Variants in SPOCK1 observed in about 807,000 individuals in gnomAD.
The protein encoded by SPOCK1 is testican-1.
In SPOCK1, 23 loss-of-function variants were observed where a neutral mutation model predicts 55.3. The observed-to-expected ratio is 0.42, with a 90% CI of 0.30 to 0.59. The LOEUF (loss-of-function observed/expected upper bound fraction) is 0.59, where lower values mean the gene tolerates loss of function less well. Ranked by LOEUF, SPOCK1 falls within the 20% of genes least tolerant of loss-of-function variation. The probability of loss-of-function intolerance (pLI) is 0.22; values close to 1 mark genes in which losing one functional copy is unlikely to be tolerated. For synonymous variants in SPOCK1, 226 were observed against 221.0 expected (o/e 1.02, Z -0.20); for missense variants, 499 against 552.5 (o/e 0.90, Z 0.97).
chr5:137,358,008 C>T (rs1451359616), intron 2 of SPOCK1, among the ~76,000 whole-genome samples: 1 of 152,082 alleles, frequency 6.6e-6, no homozygotes, highest in Non-Finnish European at 1.5e-5. Flanking sequence ...CAGAAATTTG[C>T]CTTCTGACAA....
chr5:137,402,455 A>T (rs1226824521), intron 2 of SPOCK1, among the ~76,000 whole-genome samples: 1 of 152,214 alleles, frequency 6.6e-6, no homozygotes, highest in African/African-American at 2.4e-5. Context: ...TGGGAATGAG[A>T]TGTGTTTTGT....
chr5:137,451,143 A>G (rs1457698201), intron 2 of SPOCK1, among the ~76,000 whole-genome samples: 1 of 152,170 alleles, frequency 6.6e-6, no homozygotes, highest in Non-Finnish European at 1.5e-5. Flanking sequence ...CACAGGCCAC[A>G]GGGTAGATCA....
chr5:137,419,167 T>C (rs1580915683), intron 2 of SPOCK1, among the ~76,000 whole-genome samples: 2 of 152,236 alleles, frequency 1.3e-5, no homozygotes, highest in South Asian at 2.1e-4. Context: ...TATATCTCTG[T>C]TTTGGTACTA....
chr5:137,373,303 T>C (rs747905673), intron 2 of SPOCK1, among the ~76,000 whole-genome samples: 13 of 152,138 alleles, frequency 8.5e-5, no homozygotes, highest in Non-Finnish European at 1.6e-4. Context: ...TCCATAAGAT[T>C]AACATGATCA....
chr5:137,476,556 T>C (rs1753841422), intron 2 of SPOCK1, among the ~76,000 whole-genome samples: 1 of 152,174 alleles, frequency 6.6e-6, no homozygotes, highest in African/African-American at 2.4e-5. Flanking sequence ...GTGATGTCCT[T>C]GGTATCATGA....
intron 6 of SPOCK1, among the ~76,000 whole-genome samples, chr5:137,014,375 T>C (rs1751410506): frequency 6.6e-6 from 1 of 152,172 alleles, no homozygotes; most frequent in Non-Finnish European, 1.5e-5. Flanking sequence ...TTTACAGCAA[T>C]GCAAAAATGG....
At chr5:137,224,854 G>C (rs1755916982) in intron 3 of SPOCK1, among the ~76,000 whole-genome samples, 1 of 152,092 alleles carries the variant, frequency 6.6e-6, no homozygotes, top group Non-Finnish European at 1.5e-5. Flanking sequence ...CCACACTCCA[G>C]GTCTATGTTT....
chr5:137,138,370 G>C (rs1490678252), intron 4 of SPOCK1, among the ~76,000 whole-genome samples: 2 of 152,148 alleles, frequency 1.3e-5, no homozygotes, highest in African/African-American at 4.8e-5. Context: ...GAATATCAAT[G>C]AGGCTGCTGA....
intron 3 of SPOCK1, among the ~76,000 whole-genome samples, chr5:137,230,233 G>A (rs1464662209): frequency 6.6e-6 from 1 of 152,210 alleles, no homozygotes; most frequent in Non-Finnish European, 1.5e-5. Context: ...TTGTGCAAGA[G>A]CCTTGTCTCA....
chr5:137,082,679 T>G (rs539418327), intron 5 of SPOCK1, among the ~76,000 whole-genome samples: 1 of 152,184 alleles, frequency 6.6e-6, no homozygotes, highest in Non-Finnish European at 1.5e-5. Flanking sequence ...CCTGGCTGTA[T>G]GCTTGGGCAT....
intron 6 of SPOCK1, among the ~76,000 whole-genome samples, chr5:137,061,727 C>G (rs1752396164): frequency 7.8e-6 from 1 of 128,386 alleles, no homozygotes. Flanking sequence ...GTTCTGTTTC[C>G]TCTTCTAGAG....
chr5:137,422,274 C>G (rs1305330296), intron 2 of SPOCK1, among the ~76,000 whole-genome samples: 1 of 152,164 alleles, frequency 6.6e-6, no homozygotes, highest in Non-Finnish European at 1.5e-5. Context: ...TGGAGTTGCT[C>G]TTCTAGAGGA....
chr5:137,418,379 C>T (rs1291732282), intron 2 of SPOCK1, among the ~76,000 whole-genome samples: 1 of 152,194 alleles, frequency 6.6e-6, no homozygotes, highest in Non-Finnish European at 1.5e-5. Context: ...GGAATCGCCA[C>T]ACTGACTTCC....
At chr5:137,335,893 C>T (rs1750263259) in intron 2 of SPOCK1, among the ~76,000 whole-genome samples, 1 of 152,198 alleles carries the variant, frequency 6.6e-6, no homozygotes, top group Admixed American at 6.5e-5. Context: ...CATCGCCAAT[C>T]TAGAACACAG....
intron 2 of SPOCK1, among the ~76,000 whole-genome samples, chr5:137,329,853 G>A (rs1404686032): frequency 6.6e-6 from 1 of 152,176 alleles, no homozygotes; most frequent in Admixed American, 6.5e-5. Context: ...GTAAGGATCT[G>A]AAAGAGACTG....
intron 3 of SPOCK1, among the ~76,000 whole-genome samples, chr5:137,222,000 G>A (rs1400003518): frequency 6.6e-6 from 1 of 152,152 alleles, no homozygotes; most frequent in African/African-American, 2.4e-5. Context: ...CCTGGTATCT[G>A]GCTTCTTTAA....
At chr5:137,052,823 T>C (rs959555455) in intron 6 of SPOCK1, among the ~76,000 whole-genome samples, 1 of 152,238 alleles carries the variant, frequency 6.6e-6, no homozygotes, top group South Asian at 2.1e-4. Flanking sequence ...ATTTTAAAAA[T>C]TTATTCTTTG....
intron 2 of SPOCK1, among the ~76,000 whole-genome samples, chr5:137,414,591 G>A (rs185704554): frequency 5.9e-5 from 9 of 152,204 alleles, no homozygotes; most frequent in African/African-American, 1.9e-4. Context: ...TGCTGGGGGC[G>A]AAACATTGAA....
intron 2 of SPOCK1, among the ~76,000 whole-genome samples, chr5:137,434,961 A>G (rs1244870339): frequency 1.3e-5 from 2 of 152,258 alleles, no homozygotes; most frequent in African/African-American, 2.4e-5. Flanking sequence ...TATGGAAAAC[A>G]TGAAGAAACA....
Sources: allele counts gnomAD v4.1 joint callset (sites outside exome capture counted in the v4.1 genomes callset), GRCh38; gene constraint gnomAD v4.1.1; transcripts MANE v1.5; gene names NCBI Gene and HGNC (gene_info 2026-07-23, HGNC 2026-07-21).